The following ZMAT4 variants were observed in gnomAD, a reference collection of about 807,000 sequenced individuals.
ZMAT4 encodes zinc finger matrin-type 4.
In ZMAT4, 17 loss-of-function variants were observed where a neutral mutation model predicts 28.7. That is an observed-to-expected ratio of 0.59 (90% CI 0.41 to 0.89). The LOEUF (loss-of-function observed/expected upper bound fraction) is 0.89, where lower values mean the gene tolerates loss of function less well. Ranked by LOEUF, ZMAT4 falls within the 40% of genes least tolerant of loss-of-function variation. The probability of loss-of-function intolerance (pLI) is 0.00; values close to 1 mark genes in which losing one functional copy is unlikely to be tolerated. For missense variants in ZMAT4, 240 were observed against 283.8 expected (o/e 0.85, Z 1.11); for synonymous variants, 117 against 109.2 (o/e 1.07, Z -0.44).
chr8:40,877,682 A>G (rs1357923347), intron 1 of ZMAT4, among the ~76,000 whole-genome samples: 6 of 152,172 alleles, frequency 3.9e-5, no homozygotes, highest in African/African-American at 7.2e-5. Context: ...CTATAAACAT[A>G]TGCGTGTGTG....
intron 5 of ZMAT4, among the ~76,000 whole-genome samples, chr8:40,658,772 T>C (rs369351537): frequency 1.3e-5 from 2 of 151,884 alleles, no homozygotes; most frequent in African/African-American, 4.8e-5. Context: ...AGACTGTGGG[T>C]TTTTACCTAT....
chr8:40,700,756 AG>A (rs1373850921), intron 3 of ZMAT4, among the ~76,000 whole-genome samples: 1 of 152,070 alleles, frequency 6.6e-6, no homozygotes, highest in African/African-American at 2.4e-5. Context: ...ACTGTCTGGG[AG>A]AAGTGAGAAC....
At position 40,601,468 on chromosome 8, in the gene ZMAT4, G is replaced by GGAAAGAAAGAAAGAAAGAAAGAAAAAA. The variant is rs1563359962; in HGVS notation, c.578-20208_578-20207insTTTTTTCTTTCTTTCTTTCTTTCTTTC. 6.6e-3 allele frequency among the ~76,000 whole-genome samples: 131 copies of GGAAAGAAAGAAAGAAAGAAAGAAAAAA among 19,996 alleles called. 12 individuals are homozygous for GGAAAGAAAGAAAGAAAGAAAGAAAAAA. The highest frequency in any genetic ancestry group is 0.013 in the African/African-American group (72 of 5,630). The allele number at this position is 19,996 out of a possible 152,430, so 13.1% of individuals were successfully genotyped here. ...AGGAAGGAAGGAAGGGAGGAAGAAAGGAAAGAAAGAAAGAAAGAAAGAAAG... is the reference window on the plus strand; with the variant it reads ...AGGAAGGAAGGAAGGGAGGAAGAAAGGAAAGAAAGAAAGAAAGAAAGAAAAAAGAAAGAAAGAAAGAAAGAAAGAAAG... On this transcript the variant is annotated intron_variant, in intron 5 of 6. Coordinates refer to ENST00000297737, the MANE Select transcript of ZMAT4 (RefSeq NM_024645.3).
chr8:40,584,487 G>T (rs1804598596), intron 5 of ZMAT4, among the ~76,000 whole-genome samples: 1 of 152,042 alleles, frequency 6.6e-6, no homozygotes, highest in Non-Finnish European at 1.5e-5. Context: ...AAGGAATACA[G>T]AATTTATGTA....
chr8:40,750,734 G>A (rs1812422143), intron 3 of ZMAT4, among the ~76,000 whole-genome samples: 1 of 152,196 alleles, frequency 6.6e-6, no homozygotes, highest in Non-Finnish European at 1.5e-5. Context: ...GAATACTGAA[G>A]AACCCAGCTG....
intron 6 of ZMAT4, among the ~76,000 whole-genome samples, chr8:40,573,576 C>G (rs549291678): frequency 6.6e-6 from 1 of 152,272 alleles, no homozygotes; most frequent in East Asian, 1.9e-4. Context: ...TGCAAAGACC[C>G]TATTTACATA....
At chr8:40,796,151 G>A (rs1318181057) in intron 2 of ZMAT4, among the ~76,000 whole-genome samples, 3 of 152,110 alleles carry the variant, frequency 2.0e-5, no homozygotes, top group Non-Finnish European at 2.9e-5. Flanking sequence ...ATATTTAACC[G>A]GCCTTGAAAG....
intron 2 of ZMAT4, among the ~76,000 whole-genome samples, chr8:40,804,718 A>G (rs1179677624): frequency 6.6e-6 from 1 of 151,894 alleles, no homozygotes; most frequent in African/African-American, 2.4e-5. Context: ...GCGCATACCT[A>G]TAATCCCAGC....
intron 4 of ZMAT4, among the ~76,000 whole-genome samples, chr8:40,686,134 A>G (rs1027671272): frequency 1.3e-5 from 2 of 152,212 alleles, no homozygotes; most frequent in African/African-American, 4.8e-5. Context: ...CAAGGAGCTT[A>G]AAGTCTGAAA....
At chr8:40,685,192 T>C (rs565463810) in intron 4 of ZMAT4, among the ~76,000 whole-genome samples, 1 of 152,214 alleles carries the variant, frequency 6.6e-6, no homozygotes, top group South Asian at 2.1e-4. Context: ...AGATGTAAGG[T>C]AGATGGGGCT....
At chr8:40,841,856 A>T (rs953666698) in intron 1 of ZMAT4, among the ~76,000 whole-genome samples, 1 of 152,210 alleles carries the variant, frequency 6.6e-6, no homozygotes, top group Non-Finnish European at 1.5e-5. Context: ...AACATTGTTA[A>T]GAAGAGTCCA....
chr8:40,809,433 G>A (rs531235953), intron 2 of ZMAT4, among the ~76,000 whole-genome samples: 3 of 152,244 alleles, frequency 2.0e-5, no homozygotes, highest in African/African-American at 7.2e-5. Flanking sequence ...ATATACTCAT[G>A]TAACAAACCT....
chr8:40,870,625 C>T (rs529797845), intron 1 of ZMAT4, among the ~76,000 whole-genome samples: 1 of 152,258 alleles, frequency 6.6e-6, no homozygotes, highest in African/African-American at 2.4e-5. Flanking sequence ...CTTACGTGTC[C>T]TATGTCCTCG....
intron 1 of ZMAT4, among the ~76,000 whole-genome samples, chr8:40,858,835 C>G: frequency 6.6e-6 from 1 of 152,160 alleles, no homozygotes; most frequent in South Asian, 2.1e-4. Context: ...TGATCAAATA[C>G]AGGAAATCTG....
chr8:40,740,455 C>G lies in ZMAT4; in HGVS notation c.192+27186G>C, dbSNP rs554675645. On this transcript the variant is annotated intron_variant, in intron 3 of 6. Coordinates refer to ENST00000297737, the MANE Select transcript of ZMAT4 (RefSeq NM_024645.3). ...AATGCAACCATCAAAATATGTAATG[C>G]TTGTGTGATAAAAGATACAATAACA... Among the ~76,000 whole-genome samples the G allele has an allele frequency of 9.2e-5, 14 of 152,266 alleles. No homozygotes were observed. The South Asian group carries it at 2.9e-3, about 32-fold the overall frequency.
At chr8:40,893,795 G>A (rs948609684) in intron 1 of ZMAT4, among the ~76,000 whole-genome samples, 1 of 152,140 alleles carries the variant, frequency 6.6e-6, no homozygotes, top group African/African-American at 2.4e-5. Flanking sequence ...TACCTGATAG[G>A]CAGGTTTTTG....
At chr8:40,804,937 C>G (rs1815013299) in intron 2 of ZMAT4, among the ~76,000 whole-genome samples, 1 of 151,516 alleles carries the variant, frequency 6.6e-6, no homozygotes, top group African/African-American at 2.4e-5. Flanking sequence ...ACCAATATTT[C>G]TCAAGTGTAA....
At chr8:40,646,997 G>A (rs985977520) in intron 5 of ZMAT4, among the ~76,000 whole-genome samples, 29 of 152,162 alleles carry the variant, frequency 1.9e-4, no homozygotes, top group African/African-American at 4.8e-4. Flanking sequence ...AATCAGATAA[G>A]TATATTCTTT....
At chr8:40,697,422 G>C (rs751032348) in intron 3 of ZMAT4, 21 bp from the exon 4 acceptor site, 10 of 1,524,534 alleles carry the variant, frequency 6.6e-6, no homozygotes, top group Non-Finnish European at 8.9e-6. Flanking sequence ...AGAAAGAAAG[G>C]CCACGTGTGA....
Sources: gnomAD v4.1 joint callset for allele counts (sites outside exome capture counted in the v4.1 genomes callset) on GRCh38, gnomAD v4.1.1 for gene constraint, MANE v1.5 for transcripts, NCBI Gene and HGNC (gene_info 2026-07-23, HGNC 2026-07-21) for gene names.